INTS4: variants seen among roughly 807,000 people sequenced by gnomAD.
INTS4 encodes integrator complex subunit 4.
In INTS4, 70 loss-of-function variants were observed where a neutral mutation model predicts 119.5. That is an observed-to-expected ratio of 0.59 (90% CI 0.48 to 0.71). INTS4 has a LOEUF of 0.71. Among genes scored for constraint, INTS4 ranks in the 30% least tolerant of loss-of-function variants. INTS4 has a pLI of 0.00. For synonymous variants in INTS4, 316 were observed against 419.6 expected, an observed-to-expected ratio of 0.75 and a Z score of 3.02; for missense variants, 867 against 1,173.2, an observed-to-expected ratio of 0.74 and a Z score of 3.81.
intron 1 of INTS4, among the ~76,000 whole-genome samples, chr11:77,994,162 G>T (rs773994952): frequency 1.3e-5 from 2 of 151,960 alleles, no homozygotes; most frequent in Non-Finnish European, 2.9e-5. Flanking sequence ...TATTCCAACT[G>T]GTCCCTGGGA....
chr11:77,890,577 C>G (rs1294442152), intron 21 of INTS4, among the ~76,000 whole-genome samples: 1 of 152,054 alleles, frequency 6.6e-6, no homozygotes, highest in Non-Finnish European at 1.5e-5. Flanking sequence ...GATGACCCAT[C>G]CTGTGCATGT....
intron 21 of INTS4, among the ~76,000 whole-genome samples, chr11:77,890,679 T>C (rs1260769383): frequency 6.6e-6 from 1 of 152,120 alleles, no homozygotes; most frequent in Non-Finnish European, 1.5e-5. Flanking sequence ...CTGTGACATA[T>C]TTACCTTGGC....
At chr11:77,945,888 A>T (rs1332001504) in intron 8 of INTS4, among the ~76,000 whole-genome samples, 1 of 152,108 alleles carries the variant, frequency 6.6e-6, no homozygotes, top group Non-Finnish European at 1.5e-5. Context: ...GCCCCCTACC[A>T]TAGACTGCTG....
intron 4 of INTS4, among the ~76,000 whole-genome samples, chr11:77,969,331 A>G (rs935323439): frequency 6.6e-6 from 1 of 152,164 alleles, no homozygotes; most frequent in Non-Finnish European, 1.5e-5. Context: ...AACATGTACA[A>G]ATCAATGGTA....
At chr11:77,906,387 G>A (rs7131359) in intron 16 of INTS4, among the ~76,000 whole-genome samples, 28,288 of 152,094 alleles carry the variant, frequency 0.19, 2,715 homozygotes, top group Middle Eastern at 0.23. Context: ...GTCACCCCTT[G>A]TCATTGAATA....
rs992657745 is a variant in INTS4, at chr11:77,980,748, T to C, written c.364+711A>G. ...GCTCACGCCTGTAATTCCAGCACTT[T>C]GGGAGGCTGAAGTGGGTGGATCACA... is the stretch of plus-strand genomic sequence containing the variant. On this transcript the variant is annotated intron_variant, in intron 3 of 22. Coordinates refer to ENST00000534064, the MANE Select transcript of INTS4 (RefSeq NM_033547.4). 2.6e-3 allele frequency among the ~76,000 whole-genome samples: 401 copies of C among 152,216 alleles called. 5 individuals carry two copies. The highest frequency in any genetic ancestry group is 5.6e-4 in the Non-Finnish European group (38 of 68,010).
chr11:77,980,671 G>A (rs1856169489), intron 3 of INTS4, among the ~76,000 whole-genome samples: 1 of 152,168 alleles, frequency 6.6e-6, no homozygotes. Context: ...AGCCTAACCT[G>A]TGCCTAGCCT....
At chr11:77,985,567 C>T (rs190585827) in intron 2 of INTS4, among the ~76,000 whole-genome samples, 89 of 152,264 alleles carry the variant, frequency 5.8e-4, no homozygotes, top group Non-Finnish European at 1.2e-4. Flanking sequence ...ATATCATAAC[C>T]TACCCCAGAT....
At chr11:77,875,032 A>T (rs1393415860), downstream of INTS4, among the ~76,000 whole-genome samples, 3 of 142,212 alleles carry the variant, frequency 2.1e-5, no homozygotes, top group Admixed American at 2.2e-4. Flanking sequence ...ACAGAGCAAG[A>T]CTCCATCTCA....
At chr11:77,907,616 T>G in intron 16 of INTS4, 101 bp downstream of exon 16, 1 of 782,194 alleles carries the variant, frequency 1.3e-6, no homozygotes, top group Non-Finnish European at 2.2e-6. Context: ...AGTGGTTGCA[T>G]TAAGACCATA....
chr11:77,904,992 T>A (rs559025312), intron 16 of INTS4, among the ~76,000 whole-genome samples: 1 of 152,200 alleles, frequency 6.6e-6, no homozygotes, highest in Non-Finnish European at 1.5e-5. Flanking sequence ...GATTAAGGAA[T>A]ATCAGAAACC....
At chr11:77,951,658 C>G (rs887145089) in intron 8 of INTS4, among the ~76,000 whole-genome samples, 1 of 152,152 alleles carries the variant, frequency 6.6e-6, no homozygotes. Flanking sequence ...CCAAAATTGA[C>G]AAATGGGATC....
At chr11:77,967,316 C>G (rs1314862426) in intron 4 of INTS4, among the ~76,000 whole-genome samples, 1 of 152,080 alleles carries the variant, frequency 6.6e-6, no homozygotes, top group Non-Finnish European at 1.5e-5. Context: ...CTCTCATGCA[C>G]AGGGGAGAGG....
At chr11:77,941,457 G>GC (rs1270695377) in intron 8 of INTS4, among the ~76,000 whole-genome samples, 2 of 76,802 alleles carry the variant, frequency 2.6e-5, no homozygotes, top group Non-Finnish European at 4.9e-5. Context: ...CACCTACTGT[G>GC]CTTTTTTTTT....
At chr11:77,968,772 T>C (rs536434383) in intron 4 of INTS4, among the ~76,000 whole-genome samples, 72 of 152,172 alleles carry the variant, frequency 4.7e-4, no homozygotes, top group African/African-American at 1.6e-3. Context: ...TAAGCAAAAA[T>C]TTGTAAGTGA....
rs780459751 is a variant in INTS4, at chr11:77,903,596, C to T, written c.2041G>A (p.Val681Ile). 1.9e-6 allele frequency: 3 copies of T among 1,613,708 alleles called. No individual in the cohort carries two copies. The highest frequency in any genetic ancestry group is 2.7e-5 in the African/African-American group (2 of 74,950). Residue 681 changes from valine (V) to isoleucine (I), a missense_variant, in exon 17 of 23, where the codon GTA (valine) becomes ATA (isoleucine). Coordinates refer to ENST00000534064, the MANE Select transcript of INTS4 (RefSeq NM_033547.4). Reference protein sequence around the residue: ...IKALQEKLWNVAAPLYLKQSD... With the variant: ...IKALQEKLWNIAAPLYLKQSD... ...TGCTTCAAATACAAAGGGGCAGCTA[C>T]ATTCCACAACTTTTCCTGCAAGGCC...
At chr11:77,917,842 C>A (rs1030707999) in intron 15 of INTS4, among the ~76,000 whole-genome samples, 13 of 151,942 alleles carry the variant, frequency 8.6e-5, no homozygotes, top group African/African-American at 3.1e-4. Flanking sequence ...TTCTCCCATT[C>A]TTCCTGAGTA....
chr11:77,918,434 A>AG (rs1953259921), intron 15 of INTS4: 1 of 291,216 alleles, frequency 3.4e-6, no homozygotes, highest in Non-Finnish European at 6.5e-6. Flanking sequence ...AAAAAAAAAA[A>AG]AAAAAAGAGC....
At chr11:77,949,480 G>C (rs1044057205) in intron 8 of INTS4, among the ~76,000 whole-genome samples, 1 of 139,396 alleles carries the variant, frequency 7.2e-6, no homozygotes, top group Non-Finnish European at 1.5e-5. Context: ...CTGCCAAAGA[G>C]CTAATATCCA....
Sources: gnomAD v4.1 joint callset for allele counts (sites outside exome capture counted in the v4.1 genomes callset) on GRCh38, gnomAD v4.1.1 for gene constraint, MANE v1.5 for transcripts, NCBI Gene and HGNC (gene_info 2026-07-23, HGNC 2026-07-21) for gene names.